The following TRPC7 variants were observed in gnomAD, a reference collection of about 807,000 sequenced individuals.
TRPC7 encodes the protein short transient receptor potential channel 7.
TRPC7 carries 42 observed loss-of-function variants against 90.1 expected under a neutral mutation model. That is an observed-to-expected ratio of 0.47 (90% CI 0.36 to 0.60). TRPC7 has a LOEUF of 0.60. Among genes scored for constraint, TRPC7 ranks in the 20% least tolerant of loss-of-function variants. The probability of loss-of-function intolerance (pLI) is 0.00; values close to 1 mark genes in which losing one functional copy is unlikely to be tolerated. For synonymous variants in TRPC7, 451 were observed against 436.3 expected (o/e 1.03, Z -0.42); for missense variants, 955 against 1,112.3 (o/e 0.86, Z 2.01).
intron 2 of TRPC7, among the ~76,000 whole-genome samples, chr5:136,336,964 T>G (rs1206804555): frequency 6.6e-6 from 1 of 152,204 alleles, no homozygotes. Flanking sequence ...CAGTTCACAT[T>G]GTATAGCCTG....
intron 7 of TRPC7, among the ~76,000 whole-genome samples, chr5:136,235,313 G>T (rs536492748): frequency 7.2e-5 from 11 of 152,186 alleles, no homozygotes; most frequent in Non-Finnish European, 1.6e-4. Flanking sequence ...GGTGATTAGA[G>T]CTCTACAATG....
chr5:136,323,489 C>T (rs373900149), intron 2 of TRPC7, among the ~76,000 whole-genome samples: 8 of 152,266 alleles, frequency 5.3e-5, no homozygotes, highest in African/African-American at 1.9e-4. Flanking sequence ...AGGTCTACCA[C>T]CCATTTTGTG....
intron 10 of TRPC7, among the ~76,000 whole-genome samples, chr5:136,217,546 G>C (rs1474337641): frequency 6.6e-6 from 1 of 152,164 alleles, no homozygotes; most frequent in East Asian, 1.9e-4. Context: ...GGGCCAACTG[G>C]CTGTGTGGTT....
chr5:136,293,258 C>T (rs1758027886), intron 3 of TRPC7, among the ~76,000 whole-genome samples: 1 of 152,152 alleles, frequency 6.6e-6, no homozygotes, highest in South Asian at 2.1e-4. Flanking sequence ...CTCACCACTC[C>T]TATTCAACAT....
intron 2 of TRPC7, among the ~76,000 whole-genome samples, chr5:136,342,932 A>G (rs1759889353): frequency 6.6e-6 from 1 of 152,226 alleles, no homozygotes; most frequent in African/African-American, 2.4e-5. Context: ...GGAATGGAAT[A>G]GAAAACAAAG....
At chr5:136,325,855 C>T (rs2149843890) in intron 2 of TRPC7, among the ~76,000 whole-genome samples, 1 of 152,262 alleles carries the variant, frequency 6.6e-6, no homozygotes, top group South Asian at 2.1e-4. Flanking sequence ...TAAAGCTAAA[C>T]CAAAAGGAAA....
chr5:136,246,951 G>C (rs570482349), intron 7 of TRPC7, among the ~76,000 whole-genome samples: 1 of 152,004 alleles, frequency 6.6e-6, no homozygotes, highest in African/African-American at 2.4e-5. Flanking sequence ...AAGAATACTC[G>C]CCAGCATGCT....
intron 5 of TRPC7, among the ~76,000 whole-genome samples, chr5:136,253,029 A>G (rs1343759614): frequency 6.6e-6 from 1 of 152,232 alleles, no homozygotes; most frequent in Non-Finnish European, 1.5e-5. Context: ...GTCTAGTTTG[A>G]GATGTGCTGT....
chr5:136,303,905 G>A lies in TRPC7; in HGVS notation c.963+11692C>T, dbSNP rs184835137. The A allele has an allele frequency of 4.0e-4, 60 of 151,896 alleles. 1 individual carries two copies. The Middle Eastern group carries it at 0.024, about 60-fold the overall frequency. The allele number at this position is 151,896 out of a possible 1,614,324, so 9.4% of individuals were successfully genotyped here. A position where few individuals can be genotyped will look rare whatever the true frequency, so the allele number is the denominator to read the frequency against. ...TCAATACGGAGGCTACCCATGCCAC[G>A]TTACCTTCTTTTCAAGAGCCTGTTT... On this transcript the variant is annotated intron_variant, in intron 3 of 11. Coordinates refer to ENST00000513104, the MANE Select transcript of TRPC7 (RefSeq NM_020389.3).
At chr5:136,350,703 C>T (rs1433981378) in intron 2 of TRPC7, among the ~76,000 whole-genome samples, 3 of 152,188 alleles carry the variant, frequency 2.0e-5, no homozygotes, top group Non-Finnish European at 4.4e-5. Context: ...GTCCTGTGTC[C>T]AGACCCTAGT....
At chr5:136,310,853 T>A (rs1241829998) in intron 3 of TRPC7, among the ~76,000 whole-genome samples, 1 of 152,062 alleles carries the variant, frequency 6.6e-6, no homozygotes, top group Non-Finnish European at 1.5e-5. Flanking sequence ...TCTGCTTGGG[T>A]CCTTGGAAGG....
chr5:136,287,115 C>A (rs986417873), intron 3 of TRPC7, among the ~76,000 whole-genome samples: 1 of 152,156 alleles, frequency 6.6e-6, no homozygotes, highest in Non-Finnish European at 1.5e-5. Flanking sequence ...TGGACCCCAT[C>A]TGTATGTCTG....
chr5:136,294,176 A>G (rs2149826575), intron 3 of TRPC7, among the ~76,000 whole-genome samples: 1 of 152,336 alleles, frequency 6.6e-6, no homozygotes, highest in South Asian at 2.1e-4. Flanking sequence ...TAGGCCTAAA[A>G]CCATAAAAAC....
chr5:136,297,065 C>G (rs933214431), intron 3 of TRPC7, among the ~76,000 whole-genome samples: 2 of 152,224 alleles, frequency 1.3e-5, no homozygotes, highest in Admixed American at 6.5e-5. Flanking sequence ...ACTGCTTCCT[C>G]TTTCTGGAAT....
intron 1 of TRPC7, among the ~76,000 whole-genome samples, chr5:136,361,186 G>A (rs1760557719): frequency 6.6e-6 from 1 of 152,114 alleles, no homozygotes; most frequent in South Asian, 2.1e-4. Flanking sequence ...ATTGGCATTT[G>A]ATTGCCCTTA....
intron 6 of TRPC7, among the ~76,000 whole-genome samples, chr5:136,248,423 T>C (rs917151533): frequency 2.0e-5 from 3 of 152,194 alleles, no homozygotes; most frequent in Non-Finnish European, 4.4e-5. Flanking sequence ...TACAGATAAG[T>C]GTTTGTCAAA....
At chr5:136,333,826 G>T (rs990559633) in intron 2 of TRPC7, among the ~76,000 whole-genome samples, 2 of 152,174 alleles carry the variant, frequency 1.3e-5, no homozygotes, top group African/African-American at 4.8e-5. Context: ...AGTTATAGAT[G>T]ATTTTTCTTT....
rs768000554 is a variant in TRPC7, at chr5:136,251,662, T to G, written c.1566A>C (p.Ala522=). ...LHNVSLPPEV[A]YFTYARDKWW... ...TCTCCGACTCACCGTAGGTGAAGTA[T>G]GCCACTTCCGGCGGAAGCGAGACAT... is the stretch of plus-strand genomic sequence containing the variant. The change falls in exon 6 of 12, where the codon GCA becomes GCC. Residue 522 remains alanine, a synonymous_variant. Coordinates refer to ENST00000513104, the MANE Select transcript of TRPC7 (RefSeq NM_020389.3). 1.9e-5 allele frequency: 30 copies of G among 1,607,238 alleles called. No homozygotes were observed. Among genetic ancestry groups the G allele is most frequent in the Non-Finnish European group, 2.6e-5 (30 of 1,175,186 alleles).
chr5:136,249,513 G>C (rs934190891), intron 6 of TRPC7, among the ~76,000 whole-genome samples: 5 of 152,086 alleles, frequency 3.3e-5, no homozygotes, highest in Non-Finnish European at 7.4e-5. Flanking sequence ...AACTTCTCCC[G>C]TTAAACAGAA....
Sources: gnomAD v4.1 joint callset for allele counts (sites outside exome capture counted in the v4.1 genomes callset) on GRCh38, gnomAD v4.1.1 for gene constraint, MANE v1.5 for transcripts, NCBI Gene and HGNC (gene_info 2026-07-23, HGNC 2026-07-21) for gene names.